The following CTNNA3 variants were observed in gnomAD, a reference collection of about 807,000 sequenced individuals.
CTNNA3 encodes the protein catenin alpha 3, also known as catenin alpha-3.
In CTNNA3, 76 loss-of-function variants were observed where a neutral mutation model predicts 95.7. The ratio of observed to expected loss-of-function variants is 0.79; its 90% CI spans 0.66 to 0.96. The LOEUF is 0.96. Ranked by LOEUF, CTNNA3 falls within the 40% of genes least tolerant of loss-of-function variation. The pLI is 0.00. For missense variants in CTNNA3, 1,191 were observed against 1,089.8 expected, an observed-to-expected ratio of 1.09 and a Z score of -1.31; for synonymous variants, 431 against 374.4, an observed-to-expected ratio of 1.15 and a Z score of -1.74.
intron 10 of CTNNA3, among the ~76,000 whole-genome samples, chr10:66,561,971 T>C (rs923002234): frequency 2.6e-5 from 4 of 152,026 alleles, no homozygotes; most frequent in Non-Finnish European, 4.4e-5. Flanking sequence ...GAGTACCACA[T>C]ATGAGATGGC....
chr10:66,133,018 A>G (rs1349275960), intron 13 of CTNNA3, among the ~76,000 whole-genome samples: 1 of 152,150 alleles, frequency 6.6e-6, no homozygotes, highest in African/African-American at 2.4e-5. Flanking sequence ...TTACCTATAT[A>G]ACAACCTGTA....
intron 2 of CTNNA3, among the ~76,000 whole-genome samples, chr10:67,620,923 G>GTATATATA (rs56300519): frequency 1.3e-3 from 161 of 123,822 alleles, no homozygotes; most frequent in African/African-American, 2.9e-3. Flanking sequence ...GTGTGTGTGT[G>GTATATATA]TATATATATA....
intron 11 of CTNNA3, among the ~76,000 whole-genome samples, chr10:66,484,126 A>G (rs1026156577): frequency 4.0e-5 from 6 of 151,384 alleles, no homozygotes; most frequent in African/African-American, 1.5e-4. Context: ...AACAAAAACC[A>G]TGTTGCTAAT....
intron 9 of CTNNA3, among the ~76,000 whole-genome samples, chr10:66,658,244 C>CTG (rs201139121): frequency 7.2e-6 from 1 of 138,554 alleles, no homozygotes; most frequent in Non-Finnish European, 1.6e-5. Flanking sequence ...CTCTCTCTCT[C>CTG]CCCCTCCCTC....
chr10:67,020,793 G>A (rs186512340), intron 7 of CTNNA3, among the ~76,000 whole-genome samples: 9 of 152,298 alleles, frequency 5.9e-5, no homozygotes, highest in Non-Finnish European at 1.2e-4. Context: ...TCAGAAAGGT[G>A]TAGTATTTGA....
chr10:66,632,337 T>G (rs1845167612), intron 9 of CTNNA3, among the ~76,000 whole-genome samples: 1 of 151,974 alleles, frequency 6.6e-6, no homozygotes, highest in Non-Finnish European at 1.5e-5. Context: ...GTGAATCTCC[T>G]GAGGTCAAGA....
intron 7 of CTNNA3, among the ~76,000 whole-genome samples, chr10:67,102,487 T>C (rs1216140720): frequency 6.6e-6 from 1 of 151,742 alleles, no homozygotes; most frequent in East Asian, 1.9e-4. Context: ...AAGTCCACCA[T>C]TGACTTTTTT....
chr10:67,711,498 T>C (rs1207211461), intron 1 of CTNNA3, among the ~76,000 whole-genome samples: 2 of 152,150 alleles, frequency 1.3e-5, no homozygotes, highest in Admixed American at 1.3e-4. Context: ...CTGGAGGCAT[T>C]TTGCCCCTTC....
At chr10:66,915,393 C>A (rs370746134) in intron 7 of CTNNA3, among the ~76,000 whole-genome samples, 69 of 152,084 alleles carry the variant, frequency 4.5e-4, no homozygotes, top group African/African-American at 1.6e-3. Flanking sequence ...AAATTATTTA[C>A]CACCCAGAAT....
At chr10:66,934,480 G>C (rs1042214300) in intron 7 of CTNNA3, among the ~76,000 whole-genome samples, 10 of 152,026 alleles carry the variant, frequency 6.6e-5, no homozygotes, top group African/African-American at 2.4e-4. Flanking sequence ...TTAAATATTA[G>C]GACATAAAAC....
chr10:66,767,788 T>G (rs773152443), intron 8 of CTNNA3, among the ~76,000 whole-genome samples: 52 of 152,290 alleles, frequency 3.4e-4, no homozygotes, highest in Non-Finnish European at 6.8e-4. Context: ...ATTACAGGTT[T>G]CTGGAAGAAA....
chr10:67,219,613 C>T lies in CTNNA3; in HGVS notation c.837G>A (p.Glu279=), dbSNP rs979753858. 5 of 1,611,470 alleles carry T rather than the reference C, an allele frequency of 3.1e-6. No homozygotes were observed. The African/African-American group carries it at 6.7e-5, about 22-fold the overall frequency. Residue 279 remains glutamate (E), a synonymous_variant, in exon 6 of 18, where the codon GAG becomes GAA. Transcript: ENST00000433211. The part of the protein sequence containing the change: ...QAATLGSALD[E]LENLIVLNPL... ...TATCTTTCTCCCGACTTACCTCCAG[C>T]TCATCAAGGGCACTTCCCAGGGTTG...
At chr10:66,846,346 A>G (rs1480815402) in intron 7 of CTNNA3, among the ~76,000 whole-genome samples, 1 of 152,156 alleles carries the variant, frequency 6.6e-6, no homozygotes, top group Non-Finnish European at 1.5e-5. Flanking sequence ...ATGGGCATAA[A>G]GTTTCAATTA....
At chr10:66,618,438 C>T (rs1294870678) in intron 10 of CTNNA3, among the ~76,000 whole-genome samples, 3 of 152,042 alleles carry the variant, frequency 2.0e-5, no homozygotes. Context: ...TTTGACAAAC[C>T]TGAGAAAAAC....
chr10:67,657,151 A>T (rs543578077), intron 1 of CTNNA3, among the ~76,000 whole-genome samples: 40 of 152,308 alleles, frequency 2.6e-4, no homozygotes, highest in Non-Finnish European at 4.7e-4. Flanking sequence ...AGAACTCAAG[A>T]TATCTTTAAG....
At chr10:66,334,468 AT>A (rs2092371461) in intron 12 of CTNNA3, among the ~76,000 whole-genome samples, 1 of 151,614 alleles carries the variant, frequency 6.6e-6, no homozygotes, top group Admixed American at 6.6e-5. Context: ...TCTGTAAAGT[AT>A]TTTATTTCTC....
intron 12 of CTNNA3, among the ~76,000 whole-genome samples, chr10:66,333,265 T>C (rs1409533358): frequency 2.6e-5 from 4 of 152,128 alleles, no homozygotes; most frequent in Non-Finnish European, 5.9e-5. Flanking sequence ...TCTTGCCTTC[T>C]GGTAGTTTTT....
chr10:67,372,957 A>G (rs2132707803), intron 5 of CTNNA3, among the ~76,000 whole-genome samples: 1 of 152,330 alleles, frequency 6.6e-6, no homozygotes, highest in Middle Eastern at 3.4e-3. Context: ...GGCCTGCCCT[A>G]AAAGACCTCC....
At chr10:67,628,266 G>A (rs1481298215) in intron 2 of CTNNA3, among the ~76,000 whole-genome samples, 1 of 150,376 alleles carries the variant, frequency 6.6e-6, no homozygotes, top group Non-Finnish European at 1.5e-5. Context: ...AAAAAAAAGG[G>A]GAGAAACAGC....
Sources: gnomAD v4.1 joint callset for allele counts (sites outside exome capture counted in the v4.1 genomes callset) on GRCh38, gnomAD v4.1.1 for gene constraint, MANE v1.5 for transcripts, NCBI Gene and HGNC (gene_info 2026-07-23, HGNC 2026-07-21) for gene names.